Variants in SLC12A7 observed in about 807,000 individuals in gnomAD.
The protein encoded by SLC12A7 is K-Cl cotransporter 4.
A neutral mutation model predicts 120.6 loss-of-function variants in SLC12A7; 100 were observed. The ratio of observed to expected loss-of-function variants is 0.83; its 90% CI spans 0.71 to 0.98. SLC12A7 has a LOEUF of 0.98. Among genes scored for constraint, SLC12A7 ranks in the 50% least tolerant of loss-of-function variants. The pLI is 0.00. For synonymous variants in SLC12A7, 760 were observed against 678.0 expected (o/e 1.12, Z -1.88); for missense variants, 1,373 against 1,548.1 (o/e 0.89, Z 1.90).
Position 1,088,983 on chromosome 5 carries a change from CAT to C in SLC12A7, c.486_487del (p.Cys163TyrfsTer190), listed in dbSNP as rs766160816. On this transcript the variant is annotated frameshift_variant and splice_region_variant, in exon 4 of 24. Coordinates refer to ENST00000264930, the MANE Select transcript of SLC12A7 (RefSeq NM_006598.3). LOFTEE classifies it high-confidence loss of function. Reference sequence around the variant, plus strand: ...CACACCTGGCCGGGGGAGACTCACACATGTGCAGCACATGGCCACGATGAGGA... The same window carrying C: ...CACACCTGGCCGGGGGAGACTCACACGTGCAGCACATGGCCACGATGAGGA... 1.9e-6 allele frequency: 3 copies of C among 1,612,664 alleles called. No individual in the cohort carries two copies. The highest frequency in any genetic ancestry group is 2.5e-6 in the Non-Finnish European group (3 of 1,179,932).
intron 10 of SLC12A7, 94 bp downstream of exon 10, chr5:1,079,304 T>C (rs1738729776): frequency 1.0e-6 from 1 of 954,286 alleles, no homozygotes. Flanking sequence ...AGTCACATGC[T>C]GGTGGCCGAG....
Position 1,073,668 on chromosome 5 carries a change from G to C in SLC12A7, c.2206C>G (p.Leu736Val). ...IVGSVLEGTY[L>V]DKHMEAQRAE... ...CGCTGAGCCTCCATGTGCTTGTCCA[G>C]GTACGTCCCCTCCAGCACCGAGCCC... The change falls in exon 17 of 24, where the codon CTG becomes GTG. Residue 736 changes from leucine (L) to valine (V), a missense_variant. Coordinates refer to ENST00000264930, the MANE Select transcript of SLC12A7 (RefSeq NM_006598.3). 6.2e-7 allele frequency: 1 copy of C among 1,604,032 alleles called. No individual in the cohort carries two copies. Among genetic ancestry groups the C allele is most frequent in the Admixed American group, 1.7e-5 (1 of 58,810 alleles).
chr5:1,147,229 C>G, the SLC12A7 span, among the ~76,000 whole-genome samples: 2 of 148,118 alleles, frequency 1.4e-5, no homozygotes, highest in Admixed American at 1.3e-4. Flanking sequence ...AGGGACTCTC[C>G]TCATCACGGC....
rs41280371 is a variant in SLC12A7, at chr5:1,076,246, C to T, written c.1749-10G>A. ...GCACATGAGGAAGAACCTGCAGGGACGGCCGGCCACTGATACGGGCCCACT... is the reference window on the plus strand; with the variant it reads ...GCACATGAGGAAGAACCTGCAGGGATGGCCGGCCACTGATACGGGCCCACT... On this transcript the variant is annotated splice_polypyrimidine_tract_variant and intron_variant, in intron 13 of 23. Transcript: ENST00000264930. 0.06 allele frequency: 96,382 copies of T among 1,597,060 alleles called. 3,084 individuals are homozygous for T. The highest frequency in any genetic ancestry group is 0.074 in the Middle Eastern group (447 of 6,036).
the SLC12A7 span, among the ~76,000 whole-genome samples, chr5:1,129,215 C>T: frequency 1.3e-5 from 2 of 152,200 alleles, no homozygotes; most frequent in African/African-American, 2.4e-5. Context: ...CTCAGCCAGC[C>T]GCCACTGCTG....
At chr5:1,139,579 C>T in the SLC12A7 span, among the ~76,000 whole-genome samples, 1 of 152,240 alleles carries the variant, frequency 6.6e-6, no homozygotes, top group Non-Finnish European at 1.5e-5. Context: ...ACTGTTTGGG[C>T]AGTGGCCCTA....
chr5:1,099,703 T>C (rs893914017), intron 1 of SLC12A7, among the ~76,000 whole-genome samples: 5 of 152,270 alleles, frequency 3.3e-5, no homozygotes, highest in South Asian at 4.1e-4. Flanking sequence ...TCCTTTCACA[T>C]TGTACATCAC....
chr5:1,089,889 C>T (rs1188430919), intron 3 of SLC12A7, among the ~76,000 whole-genome samples: 1 of 152,268 alleles, frequency 6.6e-6, no homozygotes, highest in African/African-American at 2.4e-5. Flanking sequence ...TCAGCTCCAT[C>T]CCCACTGCCT....
the SLC12A7 span, among the ~76,000 whole-genome samples, chr5:1,148,683 T>A: frequency 6.6e-6 from 1 of 152,172 alleles, no homozygotes; most frequent in East Asian, 1.9e-4. Flanking sequence ...GTGGGTTTTG[T>A]AAAGTGGGTA....
intron 17 of SLC12A7, among the ~76,000 whole-genome samples, chr5:1,067,860 C>T (rs3789201): frequency 0.047 from 6,188 of 132,546 alleles, 2 homozygotes; most frequent in South Asian, 0.065. Context: ...AAGTCAGCAC[C>T]GTGTCGGGGA....
chr5:1,151,357 G>C, the SLC12A7 span, among the ~76,000 whole-genome samples: 1 of 152,216 alleles, frequency 6.6e-6, no homozygotes, highest in Non-Finnish European at 1.5e-5. This position sits in a 1 kb window ranked among gnomAD's most constrained non-coding sequence, Gnocchi z 6.2. Context: ...TCTCATTGAA[G>C]ATGTCAGTGG....
In SLC12A7 at chr5:1,074,706, G is replaced by A. The variant is rs368134405; in HGVS notation, c.1968-35C>T. 370 of 1,587,180 alleles carry A rather than the reference G, an allele frequency of 2.3e-4. 1 individual carries two copies. In the Admixed American group the frequency reaches 2.3e-3, roughly 10 times the overall value. Reference sequence around the variant, plus strand: ...AGGAAGTCGGGGTTTGTCCAGCCGCGTACCTGGAGGCTCCTCTCCCACCTG... The same window carrying A: ...AGGAAGTCGGGGTTTGTCCAGCCGCATACCTGGAGGCTCCTCTCCCACCTG... On this transcript the variant is annotated intron_variant, in intron 15 of 23. Transcript: ENST00000264930.
intron 17 of SLC12A7, among the ~76,000 whole-genome samples, chr5:1,066,615 AAG>A (rs1737081660): frequency 6.6e-6 from 1 of 152,208 alleles, no homozygotes; most frequent in Non-Finnish European, 1.5e-5. Context: ...GGATGTATTG[AAG>A]AACCCTGTAA....
At chr5:1,127,399 G>C in the SLC12A7 span, among the ~76,000 whole-genome samples, 1 of 152,232 alleles carries the variant, frequency 6.6e-6, no homozygotes, top group South Asian at 2.1e-4. Context: ...AGGCTGAGGC[G>C]ATGGGGCCAC....
the SLC12A7 span, among the ~76,000 whole-genome samples, chr5:1,146,237 C>T: frequency 6.6e-6 from 1 of 152,182 alleles, no homozygotes; most frequent in Admixed American, 6.5e-5. This position sits in a 1 kb window ranked among gnomAD's most constrained non-coding sequence, Gnocchi z 6.5. Flanking sequence ...GGAGAGTCTC[C>T]AGGTCTGTGA....
intron 1 of SLC12A7, among the ~76,000 whole-genome samples, chr5:1,107,389 G>A (rs1419542107): frequency 1.3e-5 from 2 of 152,222 alleles, no homozygotes; most frequent in Admixed American, 1.3e-4. Flanking sequence ...AGGGAGCTGT[G>A]TAGGACGTGG....
At chr5:1,144,197 C>T in the SLC12A7 span, among the ~76,000 whole-genome samples, 2 of 152,174 alleles carry the variant, frequency 1.3e-5, no homozygotes, top group Admixed American at 1.3e-4. Context: ...CACCCGCCAA[C>T]CTCAGGGAGG....
At chr5:1,078,087 C>G in intron 11 of SLC12A7, 80 bp from the exon 12 acceptor site, 9 of 1,465,758 alleles carry the variant, frequency 6.1e-6, no homozygotes, top group Non-Finnish European at 8.1e-6. Context: ...CCACCCAGAG[C>G]GAGGGGCCCA....
In SLC12A7 at chr5:1,085,269, C is replaced by T. The variant is rs749767828; in HGVS notation, c.880G>A (p.Gly294Ser). ...VVLSILAIYA[G>S]VIKSAFDPPD... ...GGGTCGAAGGCAGACTTGATGACGC[C>T]GGCATAGATGGCCAGGATGGACAGC... Residue 294 changes from glycine to serine, a missense_variant, in exon 7 of 24, where the codon GGC (glycine) becomes AGC (serine). Coordinates refer to ENST00000264930, the MANE Select transcript of SLC12A7 (RefSeq NM_006598.3). 11 of 1,612,554 alleles carry T rather than the reference C, an allele frequency of 6.8e-6. No homozygotes were observed. The highest frequency in any genetic ancestry group is 1.1e-5 in the South Asian group (1 of 91,030).
Sources: gnomAD v4.1 joint callset for allele counts (sites outside exome capture counted in the v4.1 genomes callset) on GRCh38, gnomAD v4.1.1 for gene constraint, Gnocchi (gnomAD v3.1) non-coding constraint, MANE v1.5 for transcripts, NCBI Gene and HGNC (gene_info 2026-07-23, HGNC 2026-07-21) for gene names.